NLRC5: variants seen among roughly 807,000 people sequenced by gnomAD.
NLRC5 encodes the protein protein NLRC5.
NLRC5 carries 114 observed loss-of-function variants against 206.9 expected under a neutral mutation model. The ratio of observed to expected loss-of-function variants is 0.55; its 90% CI spans 0.47 to 0.64. NLRC5 has a LOEUF of 0.64. NLRC5 is among the 30% of genes least tolerant of loss of function. NLRC5 has a pLI of 0.00. For synonymous variants in NLRC5, 952 were observed against 962.8 expected, an observed-to-expected ratio of 0.99 and a Z score of 0.21; for missense variants, 2,008 against 2,305.5, an observed-to-expected ratio of 0.87 and a Z score of 2.64.
rs769612870 is a variant in NLRC5, at chr16:57,026,580, G to T, written c.1637G>T (p.Arg546Leu). 1.9e-6 allele frequency: 3 copies of T among 1,614,166 alleles called. No individual in the cohort carries two copies. The highest frequency in any genetic ancestry group is 2.5e-6 in the Non-Finnish European group (3 of 1,180,022). Residue 546 changes from arginine (R) to leucine (L), a missense_variant, in exon 6 of 49, where the codon CGC becomes CTC. Transcript: ENST00000688547. ...TLTQYVTLHS[R>L]WVQRTKARLG... ...ACCCAGTATGTTACCCTCCATTCCC[G>T]CTGGGTACAGCGGACCAAAGCTAGA...
intron 20 of NLRC5, chr16:57,045,185 C>A: frequency 2.3e-6 from 1 of 441,370 alleles, no homozygotes; most frequent in Non-Finnish European, 4.2e-6. Flanking sequence ...CCAGCCTGGG[C>A]GACAGAGCAA....
rs751213200 is a variant in NLRC5, at chr16:57,074,705, T to C, written c.4751+22T>C. 4 of 1,604,986 alleles carry C rather than the reference T, an allele frequency of 2.5e-6. No homozygotes were observed. In the Admixed American group the frequency reaches 5.0e-5, roughly 20 times the overall value. On this transcript the variant is annotated intron_variant, in intron 39 of 48. Coordinates refer to ENST00000688547, the MANE Select transcript of NLRC5 (RefSeq NM_001384950.1). ...TCAGGTGAGTGACCGAGCGGCCCCA[T>C]GGGAATGAGTGGGAAGAAACACTTC...
At chr16:57,077,167 TG>T in intron 40 of NLRC5, 128 bp from the exon 41 acceptor site, 1 of 806,668 alleles carries the variant, frequency 1.2e-6, no homozygotes, top group Non-Finnish European at 2.1e-6. Flanking sequence ...TCACTCAACA[TG>T]GGGTGATGGG....
rs138347049 is a variant in NLRC5, at chr16:57,047,580, C to T, written c.3374C>T (p.Thr1125Ile). 1.9e-5 allele frequency: 30 copies of T among 1,613,216 alleles called. No individual in the cohort carries two copies. Among genetic ancestry groups the T allele is most frequent in the African/African-American group, 2.7e-5 (2 of 74,888 alleles). Residue 1125 changes from threonine (T) to isoleucine (I), a missense_variant, in exon 23 of 49, where the codon ACC becomes ATC. Physicochemically the swap from Thr to Ile is moderately conservative, Grantham distance 89 (BLOSUM62 -1). Transcript: ENST00000688547. The part of the protein sequence containing the change: ...SECPLEPPSL[T>I]RLCATLKDCP... Reference sequence around the variant, plus strand: ...TGTCCTCTGGAGCCCCCAAGCCTCACCCGCCTCTGTGCCACTCTGAAGGAC... The same window carrying T: ...TGTCCTCTGGAGCCCCCAAGCCTCATCCGCCTCTGTGCCACTCTGAAGGAC...
At chr16:57,029,897 C>A in intron 9 of NLRC5, 41 bp downstream of exon 9, 1 of 1,609,208 alleles carries the variant, frequency 6.2e-7, no homozygotes, top group Non-Finnish European at 8.5e-7. Flanking sequence ...CAGTCCCTCT[C>A]TATACCTGAT....
chr16:57,042,014 C>T lies in NLRC5; in HGVS notation c.3062C>T (p.Ala1021Val), dbSNP rs369605142. ...FSGNALGDEG[A>V]ARLAQLLPGL... ...GGCAATGCTCTGGGGGATGAAGGTGCAGCCCGGCTGGCTCAGCTGCTCCCA... is the reference window on the plus strand; with the variant it reads ...GGCAATGCTCTGGGGGATGAAGGTGTAGCCCGGCTGGCTCAGCTGCTCCCA... Residue 1021 changes from alanine (A) to valine (V), a missense_variant, in exon 19 of 49, where the codon GCA becomes GTA. Coordinates refer to ENST00000688547, the MANE Select transcript of NLRC5 (RefSeq NM_001384950.1). 1.9e-6 allele frequency: 3 copies of T among 1,577,736 alleles called. No homozygotes were observed. Among genetic ancestry groups the T allele is most frequent in the Admixed American group, 2.0e-5 (1 of 51,246 alleles).
At chr16:57,041,704 G>C (rs766573052) in intron 18 of NLRC5, 130 bp downstream of exon 18, 10 of 741,486 alleles carry the variant, frequency 1.3e-5, no homozygotes, top group Non-Finnish European at 2.3e-5. Flanking sequence ...ACCCCTTGGA[G>C]AATCTGGTGA....
Position 57,077,367 on chromosome 16 carries a change from T to G in NLRC5, c.4907T>G (p.Leu1636Arg), listed in dbSNP as rs1256490570. The G allele has an allele frequency of 6.2e-7, 1 of 1,613,698 alleles. No homozygotes were observed. The highest frequency in any genetic ancestry group is 1.7e-5 in the Admixed American group (1 of 59,998). The change falls in exon 41 of 49, where the codon CTC becomes CGC. Residue 1636 changes from leucine (L) to arginine (R), a missense_variant. By Grantham distance (102) the Leu-to-Arg change is moderately radical. Transcript: ENST00000688547. ...ACCATCCTGCCTGGGCTGCCAGAGC[T>G]CAGGAAGATAGAGTGAGTAGCCAGC... is the stretch of plus-strand genomic sequence containing the variant. ...LATILPGLPE[L>R]RKIDLSGNSI...
In NLRC5 at chr16:57,082,632, C is replaced by A. The variant is rs369396849; in HGVS notation, c.*104C>A. 8 of 781,600 alleles carry A rather than the reference C, an allele frequency of 1.0e-5. No individual in the cohort carries two copies. Among genetic ancestry groups the A allele is most frequent in the East Asian group, 2.6e-5 (1 of 37,908 alleles). 48.4% of individuals were successfully genotyped at this position (781,600 alleles called of 1,614,324 possible). On this transcript the variant is annotated 3_prime_UTR_variant, in exon 49 of 49. Transcript: ENST00000688547. Reference sequence around the variant, plus strand: ...TCAGGAAAGAAGAGCCTCGGCAGGGCGCTCTGCACTCCACCCAGGAGGAAG... The same window carrying A: ...TCAGGAAAGAAGAGCCTCGGCAGGGAGCTCTGCACTCCACCCAGGAGGAAG...
In NLRC5 at chr16:57,083,199, T is replaced by TGATCTATAA. The variant is rs1385118887; in HGVS notation, c.*671_*672insGATCTATAA. The TGATCTATAA allele has an allele frequency of 3.9e-5, 6 of 152,334 alleles. No individual in the cohort carries two copies. Among genetic ancestry groups the TGATCTATAA allele is most frequent in the Non-Finnish European group, 8.8e-5 (6 of 68,140 alleles). 9.4% of individuals were successfully genotyped at this position (152,334 alleles called of 1,614,324 possible). On this transcript the variant is annotated 3_prime_UTR_variant, in exon 49 of 49. Transcript: ENST00000688547. Reference sequence around the variant, plus strand: ...TCCCCTCCTGCCTCAATCCTCAGCCTACCCATCTATAAACTTGATGACTCC... The same window carrying TGATCTATAA: ...TCCCCTCCTGCCTCAATCCTCAGCCTGATCTATAAACCCATCTATAAACTTGATGACTCC...
In NLRC5 at chr16:57,058,057, C is replaced by T. The variant is rs1220588206; in HGVS notation, c.3747-8C>T. On this transcript the variant is annotated splice_polypyrimidine_tract_variant and splice_region_variant and intron_variant, in intron 27 of 48. Transcript: ENST00000688547. ...CTGATCCCCGCCACTGCTCCTTACC[C>T]CCTACAGTCTCTCAGCAAACCTGCT... The T allele has an allele frequency of 1.2e-6, 2 of 1,610,666 alleles. No homozygotes were observed. The highest frequency in any genetic ancestry group is 2.2e-5 in the East Asian group (1 of 44,874).
chr16:57,041,976 C>T lies in NLRC5; in HGVS notation c.3030-6C>T. 2 of 1,564,618 alleles carry T rather than the reference C, an allele frequency of 1.3e-6. No individual in the cohort carries two copies. Among genetic ancestry groups the T allele is most frequent in the Non-Finnish European group, 8.6e-7 (1 of 1,160,462 alleles). ...ATGTTCTCCCCTCCCTTCTCCCCACCCCCAGCTTCTCAGGCAATGCTCTGG... is the reference window on the plus strand; with the variant it reads ...ATGTTCTCCCCTCCCTTCTCCCCACTCCCAGCTTCTCAGGCAATGCTCTGG... On this transcript the variant is annotated splice_polypyrimidine_tract_variant and splice_region_variant and intron_variant, in intron 18 of 48. Coordinates refer to ENST00000688547, the MANE Select transcript of NLRC5 (RefSeq NM_001384950.1).
intron 1 of NLRC5, among the ~76,000 whole-genome samples, chr16:57,000,048 G>T (rs1179283011): frequency 2.0e-5 from 3 of 152,188 alleles, no homozygotes; most frequent in Admixed American, 6.5e-5. Context: ...CTCTTCCCAG[G>T]TGATGCCGTC....
At chr16:57,024,236 G>A (rs1480494055) in intron 5 of NLRC5, among the ~76,000 whole-genome samples, 2 of 152,156 alleles carry the variant, frequency 1.3e-5, no homozygotes, top group Non-Finnish European at 2.9e-5. Flanking sequence ...GAGGAGGCCT[G>A]GGAGAAACCT....
chr16:56,993,148 C>CACACACATAT (rs2057159702), intron 1 of NLRC5, among the ~76,000 whole-genome samples: 1 of 92,874 alleles, frequency 1.1e-5, no homozygotes, highest in Non-Finnish European at 2.6e-5. Flanking sequence ...CACACACACA[C>CACACACATAT]ACACATATAC....
rs1020737604 is a variant in NLRC5 at position 57,040,549 on chromosome 16, G to A, written c.2871-101G>A. The stretch of plus-strand genomic sequence containing the variant: ...GGCACCAAGGTCTGATTGACTCTAG[G>A]TGGAGGATAGGGCTCGATGGTGGAA... On this transcript the variant is annotated intron_variant, in intron 16 of 48. Transcript: ENST00000688547. 2.6e-6 allele frequency: 3 copies of A among 1,148,756 alleles called. No homozygotes were observed. The African/African-American group carries it at 4.6e-5, about 17-fold the overall frequency. The allele number at this position is 1,148,756 out of a possible 1,614,324, so 71.2% of individuals were successfully genotyped here. A position where few individuals can be genotyped will look rare whatever the true frequency, so the allele number is the denominator to read the frequency against.
At chr16:56,999,748 T>C (rs1161797310) in intron 1 of NLRC5, among the ~76,000 whole-genome samples, 3 of 152,210 alleles carry the variant, frequency 2.0e-5, no homozygotes, top group African/African-American at 7.2e-5. Context: ...CTAAATATGG[T>C]CAACTTGGTG....
rs1277161677 is a variant in NLRC5 at position 57,039,812 on chromosome 16, G to T, written c.2833G>T (p.Ala945Ser). The change falls in exon 16 of 49, where the codon GCC becomes TCC. Residue 945 changes from alanine (A) to serine (S), a missense_variant. Coordinates refer to ENST00000688547, the MANE Select transcript of NLRC5 (RefSeq NM_001384950.1). ...LQHKTVIFMF[A>S]QEPEEQKGPQ... ...GCACAAAACTGTGATCTTCATGTTT[G>T]CCCAGGAGCCAGAGGAGCAGAAGGG... 3 of 1,614,162 alleles carry T rather than the reference G, an allele frequency of 1.9e-6. No individual in the cohort carries two copies. The highest frequency in any genetic ancestry group is 1.7e-5 in the Admixed American group (1 of 60,022).
chr16:57,062,393 G>T (rs1239560564), intron 32 of NLRC5: 1 of 326,630 alleles, frequency 3.1e-6, no homozygotes, highest in Non-Finnish European at 5.9e-6. Flanking sequence ...GTCACATCTG[G>T]TCTGCATTTG....
Sources: allele counts gnomAD v4.1 joint callset (sites outside exome capture counted in the v4.1 genomes callset), GRCh38; gene constraint gnomAD v4.1.1; transcripts MANE v1.5; gene names NCBI Gene and HGNC (gene_info 2026-07-23, HGNC 2026-07-21).